ENTREP1: variants seen among roughly 807,000 people sequenced by gnomAD.
The protein encoded by ENTREP1 is endosomal transmembrane epsin interactor 1, also known as Friedreich ataxia region gene X123.
the ENTREP1 span, among the ~76,000 whole-genome samples, chr9:69,385,505 A>C: frequency 2.0e-5 from 1 of 49,742 alleles, no homozygotes; most frequent in Non-Finnish European, 4.5e-5. Flanking sequence ...ACCTTTAGGA[A>C]AAAAAAACCC....
At chr9:69,362,201 T>G in the ENTREP1 span, among the ~76,000 whole-genome samples, 1 of 152,116 alleles carries the variant, frequency 6.6e-6, no homozygotes, top group African/African-American at 2.4e-5. Context: ...CCTTAGGCAG[T>G]AGGGAAAGGT....
chr9:69,352,547 C>G, the ENTREP1 span, among the ~76,000 whole-genome samples: 1 of 152,178 alleles, frequency 6.6e-6, no homozygotes, highest in Admixed American at 6.5e-5. Context: ...TACTAATCGA[C>G]TAATCACATG....
At chr9:69,384,856 T>C in the ENTREP1 span, among the ~76,000 whole-genome samples, 1 of 143,816 alleles carries the variant, frequency 7.0e-6, no homozygotes, top group Non-Finnish European at 1.5e-5. Flanking sequence ...TAGAATTAAT[T>C]ATGAAGCAGT....
At chr9:69,352,410 C>T in the ENTREP1 span, among the ~76,000 whole-genome samples, 2 of 152,192 alleles carry the variant, frequency 1.3e-5, no homozygotes, top group Non-Finnish European at 2.9e-5. Flanking sequence ...TGAGCCACTG[C>T]ACCCAGCCAT....
the ENTREP1 span, among the ~76,000 whole-genome samples, chr9:69,362,362 A>G: frequency 6.6e-6 from 1 of 152,208 alleles, no homozygotes; most frequent in East Asian, 1.9e-4. Context: ...TGATAGCCTC[A>G]GGTTCCCCAA....
chr9:69,353,173 C>T, the ENTREP1 span, among the ~76,000 whole-genome samples: 5 of 152,096 alleles, frequency 3.3e-5, no homozygotes, highest in South Asian at 4.1e-4. Context: ...AACACTGCAC[C>T]GGGACTCCTG....
At chr9:69,340,022 A>G in the ENTREP1 span, among the ~76,000 whole-genome samples, 2 of 152,144 alleles carry the variant, frequency 1.3e-5, no homozygotes, top group African/African-American at 2.4e-5. Flanking sequence ...TGTAGGGCCA[A>G]TGTGCTCAAT....
chr9:69,333,289 G>T, the ENTREP1 span, among the ~76,000 whole-genome samples: 1 of 151,936 alleles, frequency 6.6e-6, no homozygotes, highest in Non-Finnish European at 1.5e-5. Flanking sequence ...TATGGCTGGG[G>T]CTGGACACTT....
At chr9:69,348,772 T>C in the ENTREP1 span, among the ~76,000 whole-genome samples, 3 of 152,270 alleles carry the variant, frequency 2.0e-5, no homozygotes, top group Non-Finnish European at 2.9e-5. Flanking sequence ...TTCACCCATG[T>C]TATAGTATCT....
the ENTREP1 span, chr9:69,377,639 C>A: frequency 6.2e-7 from 1 of 1,613,902 alleles, no homozygotes; most frequent in Non-Finnish European, 8.5e-7. Context: ...GCTGAAGAAG[C>A]GGAGGATCAT....
At chr9:69,381,335 G>A in the ENTREP1 span, 1 of 152,200 alleles carries the variant, frequency 6.6e-6, no homozygotes, top group Non-Finnish European at 1.5e-5. Flanking sequence ...ATGGACATAA[G>A]AAGCTTTCTG....
At chr9:69,335,599 C>A in the ENTREP1 span, among the ~76,000 whole-genome samples, 2 of 152,074 alleles carry the variant, frequency 1.3e-5, no homozygotes, top group Non-Finnish European at 2.9e-5. Flanking sequence ...TCTTGAAGGG[C>A]CTTGTTTCCC....
the ENTREP1 span, among the ~76,000 whole-genome samples, chr9:69,326,355 A>G: frequency 0.018 from 2,705 of 152,272 alleles, 40 homozygotes; most frequent in Middle Eastern, 0.037. Flanking sequence ...TCCTGGAGCC[A>G]TGCAGGCTGC....
the ENTREP1 span, among the ~76,000 whole-genome samples, chr9:69,356,647 T>C: frequency 6.6e-6 from 1 of 152,192 alleles, no homozygotes; most frequent in Non-Finnish European, 1.5e-5. Flanking sequence ...ACCATGGATA[T>C]GCAACTTTGT....
the ENTREP1 span, chr9:69,381,398 A>G: frequency 6.6e-6 from 1 of 152,242 alleles, no homozygotes; most frequent in Non-Finnish European, 1.5e-5. Flanking sequence ...CTTTCCCAGT[A>G]GAACAGGGCT....
chr9:69,384,224 T>C, the ENTREP1 span, among the ~76,000 whole-genome samples: 1 of 152,010 alleles, frequency 6.6e-6, no homozygotes, highest in Non-Finnish European at 1.5e-5. Context: ...GATAAAATAA[T>C]GATCCTGTCT....
At chr9:69,356,664 C>T in the ENTREP1 span, among the ~76,000 whole-genome samples, 10 of 152,180 alleles carry the variant, frequency 6.6e-5, no homozygotes, top group Non-Finnish European at 1.0e-4. Flanking sequence ...TTGTTTACAA[C>T]GAACTTTCTG....
At chr9:69,367,431 T>C in the ENTREP1 span, among the ~76,000 whole-genome samples, 1 of 151,396 alleles carries the variant, frequency 6.6e-6, no homozygotes, top group African/African-American at 2.4e-5. Flanking sequence ...AGTGAATCTT[T>C]AGATTGCTCT....
the ENTREP1 span, among the ~76,000 whole-genome samples, chr9:69,362,106 CTATT>C: frequency 6.6e-6 from 1 of 152,036 alleles, no homozygotes; most frequent in Non-Finnish European, 1.5e-5. Flanking sequence ...GTTACTGGAA[CTATT>C]TATTTATTTA....
Sources: allele counts gnomAD v4.1 joint callset (sites outside exome capture counted in the v4.1 genomes callset), GRCh38; gene constraint gnomAD v4.1.1; transcripts MANE v1.5; gene names NCBI Gene and HGNC (gene_info 2026-07-23, HGNC 2026-07-21).